The following BPNT2 variants were observed in gnomAD, a reference collection of about 807,000 sequenced individuals.
BPNT2 encodes the protein Golgi-resident adenosine 3',5'-bisphosphate 3'-phosphatase.
Under a neutral mutation model 29.3 loss-of-function variants are expected in BPNT2, and 11 were observed. The ratio of observed to expected loss-of-function variants is 0.38; its 90% CI spans 0.24 to 0.62. The LOEUF (loss-of-function observed/expected upper bound fraction) is 0.62. BPNT2 is among the 20% of genes least tolerant of loss of function. The probability of loss-of-function intolerance (pLI) is 0.62; values close to 1 mark genes in which losing one functional copy is unlikely to be tolerated. For missense variants in BPNT2, 459 were observed against 473.4 expected, an observed-to-expected ratio of 0.97 and a Z score of 0.28; for synonymous variants, 195 against 187.7, an observed-to-expected ratio of 1.04 and a Z score of -0.32.
In BPNT2 at chr8:56,961,049, A is replaced by C. The variant is rs1289224846; in HGVS notation, c.*2744T>G. ...ATGAACCGGTAAGGGAAATGGTCAC[A>C]AGGTAGAAGAGATGAAGAAGGGCAG... is the stretch of plus-strand genomic sequence containing the variant. On this transcript the variant is annotated 3_prime_UTR_variant, in exon 5 of 5. Transcript: ENST00000262644. 1 of 152,264 alleles carries C rather than the reference A, an allele frequency of 6.6e-6. No homozygotes were observed. The highest frequency in any genetic ancestry group is 2.4e-5 in the African/African-American group (1 of 41,444). The allele number at this position is 152,264 out of a possible 1,614,324, so 9.4% of individuals were successfully genotyped here.
At chr8:56,983,704 T>C (rs1585566242) in intron 1 of BPNT2, among the ~76,000 whole-genome samples, 2 of 152,282 alleles carry the variant, frequency 1.3e-5, no homozygotes, top group South Asian at 2.1e-4. Flanking sequence ...CTAAAAGAGC[T>C]TGCAGATAAA....
intron 3 of BPNT2, among the ~76,000 whole-genome samples, chr8:56,968,562 T>C (rs969308338): frequency 2.0e-5 from 3 of 152,168 alleles, no homozygotes; most frequent in African/African-American, 7.2e-5. Context: ...CCTAGTACTC[T>C]GGGAGGCCAA....
chr8:56,980,785 C>G (rs1806226863), intron 1 of BPNT2, among the ~76,000 whole-genome samples: 1 of 148,258 alleles, frequency 6.7e-6, no homozygotes, highest in Non-Finnish European at 1.5e-5. Flanking sequence ...GGAATATATT[C>G]TCTCCTTACC....
At chr8:56,978,634 A>G (rs1806185924) in intron 2 of BPNT2, among the ~76,000 whole-genome samples, 1 of 152,024 alleles carries the variant, frequency 6.6e-6, no homozygotes. Flanking sequence ...ACATGGAATC[A>G]TCTTAAATGC....
intron 3 of BPNT2, chr8:56,967,336 G>A: frequency 2.3e-6 from 1 of 437,008 alleles, no homozygotes; most frequent in South Asian, 1.6e-5. Context: ...ACAGCAACAA[G>A]AAGAACAAAT....
intron 4 of BPNT2, among the ~76,000 whole-genome samples, chr8:56,965,514 T>C (rs186484548): frequency 3.2e-4 from 48 of 152,318 alleles, no homozygotes; most frequent in Admixed American, 1.4e-3. Flanking sequence ...ATCCGGGTCA[T>C]GGCCTGTTCT....
intron 1 of BPNT2, among the ~76,000 whole-genome samples, chr8:56,992,074 G>T (rs1806425358): frequency 6.6e-6 from 1 of 152,136 alleles, no homozygotes; most frequent in Admixed American, 6.5e-5. Context: ...AAGGGAGGAA[G>T]AGAGGAGAAT....
Position 56,993,825 on chromosome 8 carries a change from G to A in BPNT2, c.-240C>T, listed in dbSNP as rs1193270622. ...GCAGCGCGCTCTAGGTTCTTCCGCC[G>A]GCCGGCTGGTCCGACTTCCACGTTA... is the stretch of plus-strand genomic sequence containing the variant. On this transcript the variant is annotated 5_prime_UTR_variant, in exon 1 of 5. Transcript: ENST00000262644. 8.9e-5 allele frequency: 31 copies of A among 347,270 alleles called. No homozygotes were observed. Among genetic ancestry groups the A allele is most frequent in the Non-Finnish European group, 1.1e-4 (28 of 245,282 alleles). The allele number at this position is 347,270 out of a possible 1,614,324, so 21.5% of individuals were successfully genotyped here.
At chr8:56,981,351 G>A (rs1243123382) in intron 1 of BPNT2, among the ~76,000 whole-genome samples, 7 of 152,152 alleles carry the variant, frequency 4.6e-5, no homozygotes, top group African/African-American at 1.7e-4. Flanking sequence ...TGGATCACGA[G>A]GTCAAGAGAT....
intron 3 of BPNT2, among the ~76,000 whole-genome samples, chr8:56,977,246 T>A (rs1352834342): frequency 1.3e-5 from 2 of 152,152 alleles, no homozygotes; most frequent in African/African-American, 2.4e-5. Flanking sequence ...TATTTTCTTA[T>A]AATTCTAAAG....
At chr8:56,977,129 A>T (rs1806154203) in intron 3 of BPNT2, among the ~76,000 whole-genome samples, 2 of 152,210 alleles carry the variant, frequency 1.3e-5, no homozygotes, top group African/African-American at 2.4e-5. Flanking sequence ...CATTATATAT[A>T]TGCAAATACA....
chr8:56,986,845 T>C (rs1806333280), intron 1 of BPNT2, among the ~76,000 whole-genome samples: 2 of 152,214 alleles, frequency 1.3e-5, no homozygotes, highest in Non-Finnish European at 2.9e-5. Flanking sequence ...CAATGAATGG[T>C]GCATATCATT....
In BPNT2 at chr8:56,961,283, A is replaced by G. The variant is rs1191913949; in HGVS notation, c.*2510T>C. The G allele has an allele frequency of 1.3e-5, 2 of 152,212 alleles. No individual in the cohort carries two copies. The highest frequency in any genetic ancestry group is 1.3e-4 in the Admixed American group (2 of 15,278). 9.4% of individuals were successfully genotyped at this position (152,212 alleles called of 1,614,324 possible). A position where few individuals can be genotyped will look rare whatever the true frequency, so the allele number is the denominator to read the frequency against. On this transcript the variant is annotated 3_prime_UTR_variant, in exon 5 of 5. Coordinates refer to ENST00000262644, the MANE Select transcript of BPNT2 (RefSeq NM_017813.5). ...AATAATTTTAATGTAATTCTGGGAG[A>G]TAACATTACTCATTCATGAAGGTGT...
chr8:56,969,918 T>G (rs575747694), intron 3 of BPNT2, among the ~76,000 whole-genome samples: 3 of 152,038 alleles, frequency 2.0e-5, no homozygotes, highest in Non-Finnish European at 4.4e-5. Context: ...ACTCTGAAAA[T>G]TGGTAAATAA....
intron 1 of BPNT2, among the ~76,000 whole-genome samples, chr8:56,991,640 T>C (rs551619008): frequency 2.0e-5 from 3 of 152,334 alleles, no homozygotes; most frequent in South Asian, 4.1e-4. Flanking sequence ...GTTTGTATAG[T>C]AGGCAGAAAT....
In BPNT2 at chr8:56,960,571, G is replaced by C. The variant is rs1459496144; in HGVS notation, c.*3222C>G. 1 of 152,122 alleles carries C rather than the reference G, an allele frequency of 6.6e-6. No homozygotes were observed. The highest frequency in any genetic ancestry group is 1.5e-5 in the Non-Finnish European group (1 of 68,000). The allele number at this position is 152,122 out of a possible 1,614,324, so 9.4% of individuals were successfully genotyped here. ...TAATTACTGATTTAAAATAAAGAAA[G>C]AAACACTAAAATTGGGGTAGCACAT... On this transcript the variant is annotated 3_prime_UTR_variant, in exon 5 of 5. Transcript: ENST00000262644.
At chr8:56,967,306 C>T in intron 3 of BPNT2, 1 of 453,082 alleles carries the variant, frequency 2.2e-6, no homozygotes, top group Non-Finnish European at 4.4e-6. Flanking sequence ...TCTTCTCATA[C>T]CTCCTTCTAA....
chr8:56,977,359 C>T (rs963246121), intron 3 of BPNT2, among the ~76,000 whole-genome samples: 5 of 152,112 alleles, frequency 3.3e-5, no homozygotes, highest in African/African-American at 7.2e-5. Flanking sequence ...TGACTGCAGT[C>T]CTTAGCCTAT....
chr8:56,992,813 C>A (rs78055210), intron 1 of BPNT2, among the ~76,000 whole-genome samples: 4,282 of 151,896 alleles, frequency 0.028, 204 homozygotes, highest in African/African-American at 0.097. Flanking sequence ...ATGTGTACTC[C>A]AGTTTCGACC....
Sources: gnomAD v4.1 joint callset for allele counts (sites outside exome capture counted in the v4.1 genomes callset) on GRCh38, gnomAD v4.1.1 for gene constraint, MANE v1.5 for transcripts, NCBI Gene and HGNC (gene_info 2026-07-23, HGNC 2026-07-21) for gene names.